FARSA: variants seen among roughly 807,000 people sequenced by gnomAD.
FARSA encodes phenylalanine--tRNA ligase alpha subunit.
A neutral mutation model predicts 63.2 loss-of-function variants in FARSA; 37 were observed. That is an observed-to-expected ratio of 0.59 (90% CI 0.45 to 0.77). The LOEUF (loss-of-function observed/expected upper bound fraction) is 0.77. Among genes scored for constraint, FARSA ranks in the 30% least tolerant of loss-of-function variants. The pLI, the probability that FARSA is intolerant of heterozygous loss-of-function variation, is 0.00. For synonymous variants in FARSA, 312 were observed against 285.1 expected, an observed-to-expected ratio of 1.09 and a Z score of -0.95; for missense variants, 618 against 696.6, an observed-to-expected ratio of 0.89 and a Z score of 1.27.
intron 7 of FARSA, among the ~76,000 whole-genome samples, chr19:12,927,177 T>TAGG (rs1971336536): frequency 6.6e-6 from 1 of 152,218 alleles, no homozygotes; most frequent in Admixed American, 6.5e-5. Flanking sequence ...CTGGCCTGTC[T>TAGG]CTGGTGACAC....
intron 4 of FARSA, 76 bp from the exon 5 acceptor site, chr19:12,928,923 G>A: frequency 1.6e-6 from 2 of 1,287,534 alleles, no homozygotes; most frequent in South Asian, 1.2e-5. Context: ...GTCTGATGAG[G>A]ATCCCCATGC....
chr19:12,923,900 C>T (rs549375011), intron 12 of FARSA, among the ~76,000 whole-genome samples: 2 of 152,366 alleles, frequency 1.3e-5, no homozygotes, highest in Admixed American at 1.3e-4. Flanking sequence ...GCATGAGCTA[C>T]CACGCCTGGC....
chr19:12,922,973 G>A (rs1267212067), intron 12 of FARSA, 87 bp from the exon 13 acceptor site: 2 of 1,582,888 alleles, frequency 1.3e-6, no homozygotes, highest in Non-Finnish European at 1.7e-6. Flanking sequence ...TTCTTCAGAG[G>A]AAAAGTTCAA....
intron 6 of FARSA, 24 bp downstream of exon 6, chr19:12,928,511 C>A (rs201377470): frequency 1.9e-6 from 3 of 1,613,880 alleles, no homozygotes. Context: ...AAGCACCAGG[C>A]ACCGCCCCCA....
intron 4 of FARSA, among the ~76,000 whole-genome samples, 167 bp downstream of exon 4, chr19:12,930,056 G>T (rs1434625995): frequency 2.0e-5 from 3 of 152,160 alleles, no homozygotes; most frequent in African/African-American, 7.2e-5. Context: ...GGGTCCTCAT[G>T]GGCAAAGACC....
At chr19:12,923,818 G>A (rs1474036027) in intron 12 of FARSA, among the ~76,000 whole-genome samples, 1 of 152,120 alleles carries the variant, frequency 6.6e-6, no homozygotes, top group East Asian at 1.9e-4. Flanking sequence ...TTGCTCTATT[G>A]CCCAGGCTGA....
chr19:12,931,088 C>T (rs1334687108), intron 1 of FARSA, among the ~76,000 whole-genome samples: 2 of 152,132 alleles, frequency 1.3e-5, no homozygotes, highest in Admixed American at 6.6e-5. Flanking sequence ...TATGTCTCCA[C>T]ATTTTTTTGT....
At chr19:12,923,453 A>G (rs1971287695) in intron 12 of FARSA, among the ~76,000 whole-genome samples, 1 of 152,058 alleles carries the variant, frequency 6.6e-6, no homozygotes, top group Admixed American at 6.5e-5. Flanking sequence ...AGACGCACGC[A>G]ACAGTGCCTG....
chr19:12,932,637 G>A (rs66630592), intron 1 of FARSA, among the ~76,000 whole-genome samples: 9,895 of 152,224 alleles, frequency 0.065, 498 homozygotes, highest in Non-Finnish European at 0.097. Context: ...ATTATGGAAT[G>A]GATTGGACAA....
intron 1 of FARSA, among the ~76,000 whole-genome samples, chr19:12,931,497 C>A (rs572735880): frequency 3.3e-5 from 5 of 152,180 alleles, no homozygotes; most frequent in Non-Finnish European, 5.9e-5. Flanking sequence ...CTCCTGACCT[C>A]GTAATCGGCC....
chr19:12,930,135 G>T, intron 4 of FARSA, 88 bp downstream of exon 4: 1 of 1,027,646 alleles, frequency 9.7e-7, no homozygotes, highest in Non-Finnish European at 1.5e-6. Flanking sequence ...ACCTGTGCTT[G>T]GTGTGGGCAA....
rs781600593 is a variant in FARSA, at chr19:12,924,632, T to C, written c.1195+7A>G. ...CCACCATGGCCCACCCCTGCCCCCC[T>C]GCTCACCCAGCTTGGTGAAGAACTC... is the stretch of plus-strand genomic sequence containing the variant. On this transcript the variant is annotated splice_region_variant and intron_variant, in intron 10 of 12. Transcript: ENST00000314606. This position sits in a 1 kb window ranked among gnomAD's most constrained non-coding sequence, Gnocchi z 6.4. 1.2e-6 allele frequency: 2 copies of C among 1,607,220 alleles called. No individual in the cohort carries two copies. The highest frequency in any genetic ancestry group is 1.7e-5 in the Admixed American group (1 of 59,734).
chr19:12,928,329 G>A lies in FARSA; in HGVS notation c.841+13C>T, dbSNP rs1234336768. 1.9e-6 allele frequency: 3 copies of A among 1,611,232 alleles called. No homozygotes were observed. Among genetic ancestry groups the A allele is most frequent in the South Asian group, 2.2e-5 (2 of 90,958 alleles). Reference sequence around the variant, plus strand: ...TCTCTCATGTCTCAGGGAGGCCCTAGGGGCTGACCCACCTCGAAGGAAGAA... The same window carrying A: ...TCTCTCATGTCTCAGGGAGGCCCTAAGGGCTGACCCACCTCGAAGGAAGAA... On this transcript the variant is annotated intron_variant, in intron 7 of 12. Coordinates refer to ENST00000314606, the MANE Select transcript of FARSA (RefSeq NM_004461.3).
chr19:12,930,186 T>TG (rs1334824564), intron 4 of FARSA, 37 bp downstream of exon 4: 1 of 1,517,518 alleles, frequency 6.6e-7, no homozygotes, highest in African/African-American at 1.4e-5. Flanking sequence ...GCTTCGCAGG[T>TG]GGTGGGGGCC....
At position 12,922,862 on chromosome 19, in the gene FARSA, G is replaced by A. The variant is rs1271899278; in HGVS notation, c.1413C>T (p.Ile471=). ...GGCCCACCAGCTCCCGGATATTGTT[G>A]ATGCCATATTTGATCATCGTTGGGC... ...LERPTMIKYG[I]NNIRELVGHK... is the part of the protein sequence containing the mutation. Residue 471 remains isoleucine (I), a synonymous_variant, in exon 13 of 13, where the codon ATC becomes ATT. Transcript: ENST00000314606. The A allele has an allele frequency of 6.2e-7, 1 of 1,614,030 alleles. No homozygotes were observed. Among genetic ancestry groups the A allele is most frequent in the African/African-American group, 1.3e-5 (1 of 74,900 alleles).
intron 7 of FARSA, among the ~76,000 whole-genome samples, chr19:12,926,035 C>T (rs1190239273): frequency 6.6e-6 from 1 of 151,260 alleles, no homozygotes; most frequent in African/African-American, 2.4e-5. Context: ...GTGGCGCGAT[C>T]TCGGCTCACT....
chr19:12,930,536 G>C lies in FARSA; in HGVS notation c.286-9C>G. 6.2e-7 allele frequency: 1 copy of C among 1,612,826 alleles called. No homozygotes were observed. The highest frequency in any genetic ancestry group is 8.5e-7 in the Non-Finnish European group (1 of 1,179,214). ...TTGCCACTGGGCAGTCGCTGGAAAA[G>C]AGAGGCTGCAGTGAGTGGGGCACGA... On this transcript the variant is annotated splice_polypyrimidine_tract_variant and intron_variant, in intron 2 of 12. Transcript: ENST00000314606.
In FARSA at chr19:12,930,321, C is replaced by G. The variant is rs778375194; in HGVS notation, c.405G>C (p.Glu135Asp). 2.1e-5 allele frequency: 34 copies of G among 1,614,046 alleles called. No homozygotes were observed. Among genetic ancestry groups the G allele is most frequent in the Non-Finnish European group, 1.1e-5 (13 of 1,180,024 alleles). Residue 135 changes from glutamate to aspartate, a missense_variant, in exon 4 of 13, where the codon GAG becomes GAC. Physicochemically the swap from Glu to Asp is conservative, Grantham distance 45. Transcript: ENST00000314606. ...GGACCAGCTGGAGCCGCCGCTGCACCTCATCCTCCATGCTGTCCACCTGCC... is the reference window on the plus strand; with the variant it reads ...GGACCAGCTGGAGCCGCCGCTGCACGTCATCCTCCATGCTGTCCACCTGCC... Reference protein sequence around the residue: ...VFRVVDSMEDEVQRRLQLVRG... With the variant: ...VFRVVDSMEDDVQRRLQLVRG...
intron 1 of FARSA, 164 bp downstream of exon 1, chr19:12,933,386 T>C (rs1971416740): frequency 1.4e-6 from 1 of 733,880 alleles, no homozygotes; most frequent in Non-Finnish European, 2.1e-6. Context: ...TCCGTGCGTC[T>C]GGGCCCTCAC....
Sources: allele counts gnomAD v4.1 joint callset (sites outside exome capture counted in the v4.1 genomes callset), GRCh38; gene constraint gnomAD v4.1.1; non-coding constraint Gnocchi (gnomAD v3.1); transcripts MANE v1.5; gene names NCBI Gene and HGNC (gene_info 2026-07-23, HGNC 2026-07-21).